ABCC1: variants seen among roughly 807,000 people sequenced by gnomAD.
ABCC1 encodes the protein ATP binding cassette subfamily C member 1 (ABCC1 blood group).
Under a neutral mutation model 172.9 loss-of-function variants are expected in ABCC1, and 83 were observed. The ratio of observed to expected loss-of-function variants is 0.48; its 90% CI spans 0.40 to 0.58. The LOEUF is 0.58. Ranked by LOEUF, ABCC1 falls within the 20% of genes least tolerant of loss-of-function variation. ABCC1 has a pLI of 0.00. For missense variants in ABCC1, 1,817 were observed against 2,002.7 expected, an observed-to-expected ratio of 0.91 and a Z score of 1.77; for synonymous variants, 937 against 825.2, an observed-to-expected ratio of 1.14 and a Z score of -2.32.
chr16:16,054,593 T>G (rs2049571991), intron 11 of ABCC1, among the ~76,000 whole-genome samples: 1 of 144,136 alleles, frequency 6.9e-6, no homozygotes, highest in African/African-American at 2.5e-5. Flanking sequence ...AGGCCTCACG[T>G]GGTAGGGTTG....
At position 16,142,229 on chromosome 16, in the gene ABCC1, G is replaced by C. The variant is rs141810498; in HGVS notation, c.*948G>C. On this transcript the variant is annotated 3_prime_UTR_variant, in exon 31 of 31. Coordinates refer to ENST00000399410, the MANE Select transcript of ABCC1 (RefSeq NM_004996.4). ...CCTTGACTAGAAATAGAGACTGAGA[G>C]TGAGCAACCAGCTGGAAGGTACTAT... The C allele has an allele frequency of 3.2e-4, 49 of 152,316 alleles. 1 individual carries two copies. Among genetic ancestry groups the C allele is most frequent in the African/African-American group, 1.1e-3 (47 of 41,574 alleles). 9.4% of individuals were successfully genotyped at this position (152,316 alleles called of 1,614,324 possible).
At chr16:16,089,255 T>C (rs2051138526) in intron 18 of ABCC1, among the ~76,000 whole-genome samples, 1 of 152,050 alleles carries the variant, frequency 6.6e-6, no homozygotes, top group Non-Finnish European at 1.5e-5. Flanking sequence ...TAGAAAAAAA[T>C]TAAGCCAGAG....
intron 12 of ABCC1, among the ~76,000 whole-genome samples, chr16:16,067,513 G>A (rs2050156508): frequency 6.6e-6 from 1 of 152,116 alleles, no homozygotes; most frequent in Non-Finnish European, 1.5e-5. Flanking sequence ...CCCTACATAA[G>A]TGCCAACAGC....
intron 7 of ABCC1, among the ~76,000 whole-genome samples, chr16:16,041,142 G>A (rs901006845): frequency 2.7e-5 from 4 of 147,890 alleles, no homozygotes; most frequent in Non-Finnish European, 3.0e-5. Flanking sequence ...ATGTTGCCCA[G>A]GCTGTTCTCA....
chr16:16,058,749 C>T (rs962869676), intron 12 of ABCC1, among the ~76,000 whole-genome samples: 1 of 152,204 alleles, frequency 6.6e-6, no homozygotes, highest in East Asian at 1.9e-4. Context: ...CTCCCGGGTT[C>T]AAGCGATTCT....
At chr16:16,104,786 T>C (rs1261386216) in intron 20 of ABCC1, among the ~76,000 whole-genome samples, 2 of 152,092 alleles carry the variant, frequency 1.3e-5, no homozygotes, top group Admixed American at 6.5e-5. Context: ...GGCTCAGGCA[T>C]GGCAGGCTGC....
At chr16:15,973,867 C>T (rs145156370) in intron 1 of ABCC1, among the ~76,000 whole-genome samples, 2 of 151,770 alleles carry the variant, frequency 1.3e-5, no homozygotes, top group East Asian at 3.9e-4. Flanking sequence ...TGGCCATGGT[C>T]ACAGCTACTC....
intron 1 of ABCC1, among the ~76,000 whole-genome samples, chr16:15,967,851 T>C (rs2046282171): frequency 6.6e-6 from 1 of 151,982 alleles, no homozygotes; most frequent in Admixed American, 6.6e-5. Flanking sequence ...TGAGAACTGC[T>C]GACATATACA....
chr16:16,044,809 T>C (rs1266184123), intron 8 of ABCC1, 129 bp downstream of exon 8: 3 of 825,222 alleles, frequency 3.6e-6, no homozygotes, highest in South Asian at 3.6e-5. Flanking sequence ...TCTCCATTTT[T>C]ACTTTAGCTT....
intron 12 of ABCC1, among the ~76,000 whole-genome samples, chr16:16,063,860 T>C (rs2050012579): frequency 1.3e-5 from 2 of 152,122 alleles, no homozygotes; most frequent in South Asian, 2.1e-4. Flanking sequence ...TTGAGTCTCA[T>C]TGGTTGTGGT....
At position 16,071,576 on chromosome 16, in the gene ABCC1, A is replaced by T. The variant is rs2050349310; in HGVS notation, c.1825-66A>T. 4.4e-6 allele frequency: 6 copies of T among 1,374,916 alleles called. No individual in the cohort carries two copies. In the East Asian group the frequency reaches 1.5e-4, roughly 33 times the overall value. The allele number at this position is 1,374,916 out of a possible 1,614,324, so 85.2% of individuals were successfully genotyped here. On this transcript the variant is annotated intron_variant, in intron 13 of 30. Transcript: ENST00000399410. Reference sequence around the variant, plus strand: ...CACCTGGGGAAACCCTTGAAAGTTAACCTTGGTTGGTTTTGCAAAAATGCT... The same window carrying T: ...CACCTGGGGAAACCCTTGAAAGTTATCCTTGGTTGGTTTTGCAAAAATGCT...
chr16:16,121,888 G>A (rs1169727758), intron 23 of ABCC1, 87 bp from the exon 24 acceptor site: 13 of 1,455,826 alleles, frequency 8.9e-6, no homozygotes, highest in South Asian at 3.6e-5. Flanking sequence ...TATCGGTTAC[G>A]TCTAGATGTT....
At chr16:15,970,332 C>A (rs1265498293) in intron 1 of ABCC1, among the ~76,000 whole-genome samples, 1 of 152,188 alleles carries the variant, frequency 6.6e-6, no homozygotes, top group Non-Finnish European at 1.5e-5. Flanking sequence ...TGGAGGTTGC[C>A]TACGTCTCTC....
intron 1 of ABCC1, among the ~76,000 whole-genome samples, chr16:15,998,398 T>C (rs541756711): frequency 6.6e-6 from 1 of 152,204 alleles, no homozygotes; most frequent in South Asian, 2.1e-4. Context: ...AAGTGCTGGG[T>C]TTACAGGCGT....
chr16:16,114,082 G>T (rs2044739587), intron 22 of ABCC1, among the ~76,000 whole-genome samples: 2 of 152,158 alleles, frequency 1.3e-5, no homozygotes, highest in Non-Finnish European at 2.9e-5. Flanking sequence ...GGGGACCCCT[G>T]GTCTAGAAGA....
intron 28 of ABCC1, among the ~76,000 whole-genome samples, chr16:16,136,110 G>A (rs2045906341): frequency 6.6e-6 from 1 of 150,722 alleles, no homozygotes; most frequent in South Asian, 2.1e-4. Flanking sequence ...TGCAACTTCC[G>A]TCTCCCGGGT....
At chr16:16,118,594 A>G (rs1182061609) in intron 23 of ABCC1, among the ~76,000 whole-genome samples, 4 of 152,054 alleles carry the variant, frequency 2.6e-5, no homozygotes, top group Non-Finnish European at 5.9e-5. Flanking sequence ...CCGTGGAGCA[A>G]TGTGGCTTTG....
chr16:16,079,421 C>T lies in ABCC1; in HGVS notation c.2058C>T (p.Ser686=), dbSNP rs1355859231. ...GCCAGGTGGGCTGCGGAAAGTCGTC[C>T]CTGCTCTCAGCCCTCTTGGCTGAGA... ...VVGQVGCGKS[S]LLSALLAEMD... Residue 686 remains serine, a synonymous_variant, in exon 16 of 31, where the codon TCC becomes TCT. Coordinates refer to ENST00000399410, the MANE Select transcript of ABCC1 (RefSeq NM_004996.4). 3 of 1,613,982 alleles carry T rather than the reference C, an allele frequency of 1.9e-6. No individual in the cohort carries two copies. Among genetic ancestry groups the T allele is most frequent in the South Asian group, 1.1e-5 (1 of 91,066 alleles).
chr16:16,079,181 G>A (rs2050705838), intron 15 of ABCC1, among the ~76,000 whole-genome samples, 171 bp from the exon 16 acceptor site: 1 of 152,154 alleles, frequency 6.6e-6, no homozygotes, highest in Non-Finnish European at 1.5e-5. Context: ...TCACTGAACT[G>A]AACTCAGCAG....
Sources: allele counts gnomAD v4.1 joint callset (sites outside exome capture counted in the v4.1 genomes callset), GRCh38; gene constraint gnomAD v4.1.1; transcripts MANE v1.5; gene names NCBI Gene and HGNC (gene_info 2026-07-23, HGNC 2026-07-21).